Variants in CDKAL1 observed in about 807,000 individuals in gnomAD.
CDKAL1 encodes the protein threonylcarbamoyladenosine tRNA methylthiotransferase.
A neutral mutation model predicts 68.2 loss-of-function variants in CDKAL1; 32 were observed. That is an observed-to-expected ratio of 0.47 (90% CI 0.35 to 0.63). The LOEUF is 0.63. Among genes scored for constraint, CDKAL1 ranks in the 30% least tolerant of loss-of-function variants. The pLI is 0.00. For missense variants in CDKAL1, 606 were observed against 696.7 expected, an observed-to-expected ratio of 0.87 and a Z score of 1.47; for synonymous variants, 234 against 244.3, an observed-to-expected ratio of 0.96 and a Z score of 0.39.
At chr6:20,925,233 G>C (rs1763134534) in intron 9 of CDKAL1, among the ~76,000 whole-genome samples, 1 of 152,148 alleles carries the variant, frequency 6.6e-6, no homozygotes, top group African/African-American at 2.4e-5. Context: ...TAGCAATAAA[G>C]TATTTTAAAA....
At chr6:21,203,455 C>T (rs558168780) in intron 15 of CDKAL1, among the ~76,000 whole-genome samples, 4 of 150,902 alleles carry the variant, frequency 2.7e-5, no homozygotes, top group Non-Finnish European at 5.9e-5. Context: ...AGGCTGGTCT[C>T]GAACCCCTGA....
intron 7 of CDKAL1, among the ~76,000 whole-genome samples, chr6:20,762,137 C>T (rs778015326): frequency 6.6e-6 from 1 of 152,024 alleles, no homozygotes; most frequent in Non-Finnish European, 1.5e-5. Flanking sequence ...TAGGAGTTTG[C>T]CAAATGGCCT....
chr6:20,805,225 C>T (rs1191636265), intron 8 of CDKAL1, among the ~76,000 whole-genome samples: 2 of 152,148 alleles, frequency 1.3e-5, no homozygotes, highest in Non-Finnish European at 2.9e-5. Context: ...TTTTCTGTTA[C>T]TAATTGCTGT....
At chr6:20,811,785 TAA>T (rs370931927) in intron 8 of CDKAL1, among the ~76,000 whole-genome samples, 42 of 103,568 alleles carry the variant, frequency 4.1e-4, no homozygotes, top group Non-Finnish European at 5.5e-4. Flanking sequence ...TACCTAGTAG[TAA>T]AAAAAAAAAA....
intron 9 of CDKAL1, among the ~76,000 whole-genome samples, chr6:20,865,281 C>G (rs771904934): frequency 3.9e-5 from 6 of 152,108 alleles, no homozygotes; most frequent in Non-Finnish European, 5.9e-5. Flanking sequence ...GCATTTGTTG[C>G]TATAGGTGCA....
At chr6:20,662,087 A>G (rs893568484) in intron 5 of CDKAL1, among the ~76,000 whole-genome samples, 3 of 152,180 alleles carry the variant, frequency 2.0e-5, no homozygotes, top group African/African-American at 7.2e-5. Context: ...ACAGCAGAGA[A>G]AAAAAGGCTC....
At chr6:21,006,026 TGTGA>T (rs1767705555) in intron 11 of CDKAL1, among the ~76,000 whole-genome samples, 1 of 152,152 alleles carries the variant, frequency 6.6e-6, no homozygotes, top group African/African-American at 2.4e-5. Context: ...GGATGATGAC[TGTGA>T]GTGAGTCATT....
At chr6:20,843,737 T>C (rs1430506823) in intron 8 of CDKAL1, among the ~76,000 whole-genome samples, 2 of 152,146 alleles carry the variant, frequency 1.3e-5, no homozygotes, top group Non-Finnish European at 2.9e-5. Context: ...GATTTCAGAT[T>C]TTCAGATTAG....
chr6:20,910,923 A>G (rs1762441017), intron 9 of CDKAL1, among the ~76,000 whole-genome samples: 1 of 152,152 alleles, frequency 6.6e-6, no homozygotes, highest in African/African-American at 2.4e-5. Context: ...ATTGCCAGCA[A>G]CCCACCCAAA....
chr6:21,090,081 G>T (rs1772918036), intron 12 of CDKAL1, among the ~76,000 whole-genome samples: 1 of 152,134 alleles, frequency 6.6e-6, no homozygotes, highest in Non-Finnish European at 1.5e-5. Context: ...TTTTACAAGG[G>T]TGATGTCTTT....
intron 6 of CDKAL1, among the ~76,000 whole-genome samples, chr6:20,751,037 G>A (rs1773901613): frequency 6.9e-6 from 1 of 145,480 alleles, no homozygotes; most frequent in Non-Finnish European, 1.5e-5. Context: ...GATTAAGTGT[G>A]ATAATGCACG....
chr6:20,896,098 C>CTTTTTTTTTTTTTTT (rs1291895133), intron 9 of CDKAL1, among the ~76,000 whole-genome samples: 1 of 104,128 alleles, frequency 9.6e-6, no homozygotes, highest in African/African-American at 3.5e-5. Context: ...CTTTTCTTTT[C>CTTTTTTTTTTTTTTT]TTTTCTTTTT....
chr6:20,650,533 C>A (rs1402415336), intron 5 of CDKAL1, among the ~76,000 whole-genome samples: 3 of 152,068 alleles, frequency 2.0e-5, no homozygotes, highest in Non-Finnish European at 4.4e-5. Flanking sequence ...ATGATAGTTT[C>A]TTTTGCTATG....
chr6:21,111,975 C>T (rs1171515286), intron 13 of CDKAL1, among the ~76,000 whole-genome samples: 1 of 152,100 alleles, frequency 6.6e-6, no homozygotes, highest in Non-Finnish European at 1.5e-5. Flanking sequence ...ATGAACATAA[C>T]TTGTATTATA....
chr6:20,864,850 T>C (rs2150529898), intron 9 of CDKAL1, among the ~76,000 whole-genome samples: 1 of 152,324 alleles, frequency 6.6e-6, no homozygotes, highest in South Asian at 2.1e-4. Flanking sequence ...TGCTGCATGA[T>C]ATTTATTATA....
chr6:20,714,201 T>C (rs1771977396), intron 5 of CDKAL1, among the ~76,000 whole-genome samples: 1 of 151,762 alleles, frequency 6.6e-6, no homozygotes, highest in Non-Finnish European at 1.5e-5. Flanking sequence ...TACAAAAAAT[T>C]CTCATAATGT....
At chr6:20,991,740 G>T (rs1021700461) in intron 10 of CDKAL1, among the ~76,000 whole-genome samples, 3 of 145,006 alleles carry the variant, frequency 2.1e-5, no homozygotes, top group Non-Finnish European at 3.0e-5. Context: ...AATCAACCAG[G>T]CTCAGTGTCA....
chr6:20,826,144 A>T (rs1212629850), intron 8 of CDKAL1, among the ~76,000 whole-genome samples: 1 of 152,162 alleles, frequency 6.6e-6, no homozygotes, highest in Non-Finnish European at 1.5e-5. Context: ...TTGGAGGAAC[A>T]GTTTAAGCAG....
intron 10 of CDKAL1, among the ~76,000 whole-genome samples, chr6:20,967,600 A>T (rs1242858482): frequency 6.6e-6 from 1 of 152,214 alleles, no homozygotes; most frequent in Admixed American, 6.5e-5. Context: ...TATAATTAGC[A>T]CTTTGTGCAG....
Sources: gnomAD v4.1 joint callset for allele counts (sites outside exome capture counted in the v4.1 genomes callset) on GRCh38, gnomAD v4.1.1 for gene constraint, MANE v1.5 for transcripts, NCBI Gene and HGNC (gene_info 2026-07-23, HGNC 2026-07-21) for gene names.